Variants in CASR observed in about 807,000 individuals in gnomAD.
CASR encodes calcium sensing receptor.
In CASR, 23 loss-of-function variants were observed where a neutral mutation model predicts 69.1. The ratio of observed to expected loss-of-function variants is 0.33; its 90% CI spans 0.24 to 0.47. CASR has a LOEUF of 0.47. Ranked by LOEUF, CASR falls within the 20% of genes least tolerant of loss-of-function variation. CASR has a pLI of 1.00. For missense variants in CASR, 924 were observed against 1,356.1 expected (o/e 0.68, Z 5.00); for synonymous variants, 541 against 544.7 (o/e 0.99, Z 0.10).
intron 4 of CASR, among the ~76,000 whole-genome samples, chr3:122,272,149 G>T (rs964683308): frequency 1.3e-5 from 2 of 150,934 alleles, no homozygotes; most frequent in Non-Finnish European, 2.9e-5. Flanking sequence ...TGGGTCAAAT[G>T]ATGACTCTAT....
intron 1 of CASR, among the ~76,000 whole-genome samples, chr3:122,216,542 G>C (rs2074119038): frequency 6.6e-6 from 1 of 152,192 alleles, no homozygotes; most frequent in Non-Finnish European, 1.5e-5. Context: ...TCTGAGATCT[G>C]GAAGGTTTCT....
Position 122,261,588 on chromosome 3 carries a change from C to T in CASR, c.553C>T (p.Arg185Ter), listed in dbSNP as rs104893707. Residue 185 changes from arginine (R) to a stop codon, truncating the protein, a stop_gained, in exon 4 of 7, where the codon CGA becomes TGA. Coordinates refer to ENST00000639785, the MANE Select transcript of CASR (RefSeq NM_000388.4). LOFTEE classifies it high-confidence loss of function. ...CAAGAATCAATTCAAGTCTTTCCTC[C>T]GAACCATCCCCAATGATGAGCACCA... is the stretch of plus-strand genomic sequence containing the variant. ...SNKNQFKSFL[R>*]TIPNDEHQAT... The T allele has an allele frequency of 1.2e-6, 2 of 1,614,176 alleles. No individual in the cohort carries two copies. The highest frequency in any genetic ancestry group is 1.1e-5 in the South Asian group (1 of 91,084).
In CASR at chr3:122,257,075, T is replaced by C; in HGVS notation, c.186-6T>C. 6.2e-7 allele frequency: 1 copy of C among 1,613,656 alleles called. No homozygotes were observed. The highest frequency in any genetic ancestry group is 2.2e-5 in the East Asian group (1 of 44,878). ...CCCATTTTCTTCCACTTCTTCTTTC[T>C]TCCAGGTATAATTTCCGTGGGTTTC... On this transcript the variant is annotated splice_polypyrimidine_tract_variant and splice_region_variant and intron_variant, in intron 2 of 6. Transcript: ENST00000639785.
rs1193543664 is a variant in CASR, at chr3:122,285,157, G to A, written c.3203G>A (p.Gly1068Asp). Residue 1068 changes from glycine (G) to aspartate (D), a missense_variant, in exon 7 of 7, where the codon GGC becomes GAC. Transcript: ENST00000639785. ...CAGAGCTTTGTCATCAGTGGTGGAG[G>A]CAGCACTGTTACAGAAAACGTAGTG... Reference protein sequence around the residue: ...SSQSFVISGGGSTVTENVVNS With the variant: ...SSQSFVISGGDSTVTENVVNS 5 of 1,614,174 alleles carry A rather than the reference G, an allele frequency of 3.1e-6. No individual in the cohort carries two copies. Among genetic ancestry groups the A allele is most frequent in the Non-Finnish European group, 2.5e-6 (3 of 1,180,024 alleles).
At chr3:122,216,102 A>G (rs1309199601) in intron 1 of CASR, among the ~76,000 whole-genome samples, 1 of 152,226 alleles carries the variant, frequency 6.6e-6, no homozygotes, top group African/African-American at 2.4e-5. Flanking sequence ...AGCCCTATAC[A>G]AATGTTAGGC....
intron 1 of CASR, among the ~76,000 whole-genome samples, chr3:122,230,634 G>A (rs2107607970): frequency 6.6e-6 from 1 of 152,302 alleles, no homozygotes; most frequent in South Asian, 2.1e-4. Context: ...ACTTGGAAAG[G>A]AACCAGGAAG....
chr3:122,186,267 T>C (rs978450087), intron 1 of CASR, among the ~76,000 whole-genome samples: 49 of 152,190 alleles, frequency 3.2e-4, no homozygotes, highest in African/African-American at 1.2e-3. Flanking sequence ...CCCAACCATG[T>C]CAGAAAGTTC....
intron 1 of CASR, among the ~76,000 whole-genome samples, chr3:122,187,646 G>C (rs1336605548): frequency 6.6e-6 from 1 of 152,246 alleles, no homozygotes. Flanking sequence ...GTTCTTGGAG[G>C]AGGTAACGCT....
chr3:122,282,542 C>T (rs1019284256), intron 6 of CASR, among the ~76,000 whole-genome samples: 1 of 152,238 alleles, frequency 6.6e-6, no homozygotes, highest in African/African-American at 2.4e-5. Flanking sequence ...GTTATGTCTG[C>T]TCCAGACTCC....
At chr3:122,209,716 G>C (rs960217416) in intron 1 of CASR, among the ~76,000 whole-genome samples, 1 of 152,160 alleles carries the variant, frequency 6.6e-6, no homozygotes, top group Non-Finnish European at 1.5e-5. Flanking sequence ...ACCATATCAA[G>C]GGACTTCTCC....
intron 1 of CASR, among the ~76,000 whole-genome samples, chr3:122,198,259 A>G (rs1440014611): frequency 6.6e-6 from 1 of 152,236 alleles, no homozygotes; most frequent in Admixed American, 6.5e-5. Context: ...ATGATCAGAC[A>G]AATGTTAAAT....
chr3:122,275,169 T>C (rs965098361), intron 4 of CASR, among the ~76,000 whole-genome samples: 3 of 152,182 alleles, frequency 2.0e-5, no homozygotes, highest in African/African-American at 7.2e-5. Flanking sequence ...CATGACAACA[T>C]GTGGTATGTG....
intron 1 of CASR, among the ~76,000 whole-genome samples, chr3:122,217,108 ATT>A (rs34569113): frequency 6.8e-6 from 1 of 146,786 alleles, no homozygotes. Context: ...GGAAAGTAAA[ATT>A]TTTTTTTTTT....
intron 4 of CASR, among the ~76,000 whole-genome samples, chr3:122,262,926 G>A (rs2074645192): frequency 6.6e-6 from 1 of 152,118 alleles, no homozygotes; most frequent in Admixed American, 6.5e-5. Context: ...CAAAGACACA[G>A]AAAACAAAAA....
intron 1 of CASR, among the ~76,000 whole-genome samples, chr3:122,225,456 G>A (rs2074212993): frequency 1.4e-5 from 2 of 147,070 alleles, no homozygotes; most frequent in South Asian, 4.3e-4. Context: ...CAAATGTATG[G>A]AAAAATGTTC....
intron 5 of CASR, 127 bp from the exon 6 acceptor site, chr3:122,281,986 G>C: frequency 7.4e-7 from 1 of 1,360,078 alleles, no homozygotes; most frequent in South Asian, 1.2e-5. Flanking sequence ...GCCTGGAATG[G>C]GCCCAACGTC....
At chr3:122,276,276 A>G (rs2074819508) in intron 5 of CASR, among the ~76,000 whole-genome samples, 2 of 152,144 alleles carry the variant, frequency 1.3e-5, no homozygotes, top group South Asian at 4.1e-4. Context: ...AAACAGTTTC[A>G]TTTTTCACAA....
chr3:122,198,338 C>T (rs1332225772), intron 1 of CASR, among the ~76,000 whole-genome samples: 3 of 151,994 alleles, frequency 2.0e-5, no homozygotes, highest in Non-Finnish European at 4.4e-5. Flanking sequence ...TCTTAAATGC[C>T]CACCAGTACA....
intron 1 of CASR, among the ~76,000 whole-genome samples, chr3:122,247,920 C>T (rs2074443666): frequency 6.6e-6 from 1 of 152,160 alleles, no homozygotes; most frequent in South Asian, 2.1e-4. Context: ...AAGAACCCAC[C>T]CAGCTCAGCT....
Sources: allele counts gnomAD v4.1 joint callset (sites outside exome capture counted in the v4.1 genomes callset), GRCh38; gene constraint gnomAD v4.1.1; transcripts MANE v1.5; gene names NCBI Gene and HGNC (gene_info 2026-07-23, HGNC 2026-07-21).